Variants in GRAMD1B observed in about 807,000 individuals in gnomAD.
GRAMD1B encodes the protein GRAM domain containing 1B.
In GRAMD1B, 37 loss-of-function variants were observed where a neutral mutation model predicts 99.7. That is an observed-to-expected ratio of 0.37 (90% CI 0.29 to 0.49). The LOEUF (loss-of-function observed/expected upper bound fraction) is 0.49. GRAMD1B is among the 20% of genes least tolerant of loss of function. GRAMD1B has a pLI of 0.98. For missense variants in GRAMD1B, 888 were observed against 1,009.2 expected, an observed-to-expected ratio of 0.88 and a Z score of 1.63; for synonymous variants, 427 against 387.6, an observed-to-expected ratio of 1.10 and a Z score of -1.19.
intron 1 of GRAMD1B, among the ~76,000 whole-genome samples, chr11:123,457,117 A>AAAAGAAAGAAAGAAAGAAAGAAAGAACG (rs111505156): frequency 1.0e-5 from 1 of 99,436 alleles, no homozygotes; most frequent in Non-Finnish European, 2.2e-5. Context: ...TTCTGAGAAA[A>AAAAGAAAGAAAGAAAGAAAGAAAGAACG]AAAGAAAGAA....
In GRAMD1B at chr11:123,615,503, T is replaced by A. The variant is rs188022860; in HGVS notation, c.2318+668T>A. ...AGATGGACAGCATCCTGGCTAACAT[T>A]GTGAAACCCCGTCTCTACTAAAACT... On this transcript the variant is annotated intron_variant, in intron 17 of 19. Coordinates refer to ENST00000635736, the MANE Select transcript of GRAMD1B (RefSeq NM_001387025.1). Among the ~76,000 whole-genome samples the A allele has an allele frequency of 3.6e-4, 55 of 151,856 alleles. 4 individuals carry two copies. Among genetic ancestry groups the A allele is most frequent in the African/African-American group, 1.2e-3 (50 of 41,396 alleles).
In GRAMD1B at chr11:123,625,558, T is replaced by C. The variant is rs766154914; in HGVS notation, c.*2963T>C. 1.3e-5 allele frequency: 2 copies of C among 152,232 alleles called. No individual in the cohort carries two copies. Among genetic ancestry groups the C allele is most frequent in the Non-Finnish European group, 2.9e-5 (2 of 68,062 alleles). The allele number at this position is 152,232 out of a possible 1,614,324, so 9.4% of individuals were successfully genotyped here. The stretch of plus-strand genomic sequence containing the variant: ...ATCTCAGGCCAGCAAGATCAGCTGC[T>C]TGAAGCTCTGTGTAAGAGCACTGCA... On this transcript the variant is annotated 3_prime_UTR_variant, in exon 20 of 20. Transcript: ENST00000635736.
At chr11:123,601,128 T>C (rs1951902849) in intron 8 of GRAMD1B, among the ~76,000 whole-genome samples, 1 of 152,100 alleles carries the variant, frequency 6.6e-6, no homozygotes, top group South Asian at 2.1e-4. Context: ...CTGGCTACTA[T>C]GAAAGGCCCA....
chr11:123,527,911 G>A (rs1942960393), intron 2 of GRAMD1B, among the ~76,000 whole-genome samples: 1 of 152,160 alleles, frequency 6.6e-6, no homozygotes. Flanking sequence ...AATCTGCCTT[G>A]AGCATCTCTT....
In GRAMD1B at chr11:123,621,215, G is replaced by A. The variant is rs191135396; in HGVS notation, c.2545-1291G>A. 1.6e-3 allele frequency among the ~76,000 whole-genome samples: 250 copies of A among 152,226 alleles called. 3 individuals carry two copies. Among genetic ancestry groups the A allele is most frequent in the East Asian group, 1.5e-3 (8 of 5,184 alleles). ...GAGAGACCAGACTTTCCCTAAATCC[G>A]TAACCATTTACCCCAGAAATGTTGT... On this transcript the variant is annotated intron_variant, in intron 19 of 19. Transcript: ENST00000635736.
At position 123,537,718 on chromosome 11, in the gene GRAMD1B, G is replaced by A. The variant is rs11219189; in HGVS notation, c.453-39649G>A. 5.2e-3 allele frequency among the ~76,000 whole-genome samples: 798 copies of A among 152,308 alleles called. 9 individuals are homozygous for A. Among genetic ancestry groups the A allele is most frequent in the African/African-American group, 0.019 (773 of 41,566 alleles). On this transcript the variant is annotated intron_variant, in intron 2 of 19. Transcript: ENST00000635736. ...CATTTGTACCTTGTGGGGCCTATGAGTAATAGGAGCCAACCATTACCATTT... is the reference window on the plus strand; with the variant it reads ...CATTTGTACCTTGTGGGGCCTATGAATAATAGGAGCCAACCATTACCATTT...
intron 1 of GRAMD1B, among the ~76,000 whole-genome samples, chr11:123,418,764 T>C (rs73606001): frequency 0.027 from 4,148 of 152,302 alleles, 64 homozygotes; most frequent in Middle Eastern, 0.065. Flanking sequence ...TTCTAGAGAC[T>C]TCCAGGCTGG....
chr11:123,489,303 C>T (rs1235261505), intron 2 of GRAMD1B, among the ~76,000 whole-genome samples: 1 of 152,074 alleles, frequency 6.6e-6, no homozygotes, highest in Non-Finnish European at 1.5e-5. Context: ...TGGAGTGTGC[C>T]AGTGGATAGA....
At chr11:123,469,222 G>A (rs1432085183) in intron 1 of GRAMD1B, among the ~76,000 whole-genome samples, 2 of 152,136 alleles carry the variant, frequency 1.3e-5, no homozygotes, top group Non-Finnish European at 2.9e-5. Context: ...CAGATAAGGA[G>A]TTGGAACTTG....
At chr11:123,445,584 G>A (rs928839526) in intron 1 of GRAMD1B, among the ~76,000 whole-genome samples, 2 of 152,080 alleles carry the variant, frequency 1.3e-5, no homozygotes, top group African/African-American at 4.8e-5. Flanking sequence ...GGGAGGCCAA[G>A]GTGGGCAGGT....
At chr11:123,569,898 T>C (rs1947871289) in intron 2 of GRAMD1B, among the ~76,000 whole-genome samples, 1 of 152,230 alleles carries the variant, frequency 6.6e-6, no homozygotes, top group African/African-American at 2.4e-5. Context: ...CCAATGGTAA[T>C]TGTTAGGCTC....
At chr11:123,500,485 T>C (rs775248841) in intron 2 of GRAMD1B, among the ~76,000 whole-genome samples, 16 of 152,102 alleles carry the variant, frequency 1.1e-4, no homozygotes, top group Non-Finnish European at 1.5e-5. Context: ...CAATGGGAAA[T>C]TTGCTAAAAT....
chr11:123,462,890 T>TAAAAAAAAAAAA (rs55643501), intron 1 of GRAMD1B, among the ~76,000 whole-genome samples: 29 of 123,052 alleles, frequency 2.4e-4, no homozygotes, highest in East Asian at 1.7e-3. Context: ...AAAAAATAAA[T>TAAAAAAAAAAAA]TAAAAAAAAA....
At chr11:123,553,696 T>G (rs2135900864) in intron 2 of GRAMD1B, among the ~76,000 whole-genome samples, 1 of 152,308 alleles carries the variant, frequency 6.6e-6, no homozygotes, top group Middle Eastern at 3.4e-3. Flanking sequence ...TGAACCAGCC[T>G]CCGTGGATTA....
In GRAMD1B at chr11:123,606,670, T is replaced by G. The variant is rs1046775434; in HGVS notation, c.1385T>G (p.Leu462Arg). The change falls in exon 11 of 20, where the codon CTC becomes CGC. Residue 462 changes from leucine to arginine, a missense_variant. Coordinates refer to ENST00000635736, the MANE Select transcript of GRAMD1B (RefSeq NM_001387025.1). The part of the protein sequence containing the change: ...LEGDGSLEKE[L>R]AIDNIMGEKI... The stretch of plus-strand genomic sequence containing the variant: ...GGAGACGGGTCCCTGGAAAAGGAGC[T>G]CGCCATTGACAACATCATGGGGGAG... 7 of 1,613,388 alleles carry G rather than the reference T, an allele frequency of 4.3e-6. No individual in the cohort carries two copies. Among genetic ancestry groups the G allele is most frequent in the Non-Finnish European group, 5.9e-6 (7 of 1,179,728 alleles).
At chr11:123,506,009 G>A (rs1309215410) in intron 2 of GRAMD1B, among the ~76,000 whole-genome samples, 1 of 152,124 alleles carries the variant, frequency 6.6e-6, no homozygotes, top group Non-Finnish European at 1.5e-5. Flanking sequence ...TTTACAATCA[G>A]CACCCAGACT....
chr11:123,414,218 T>C (rs1948151623), intron 1 of GRAMD1B, among the ~76,000 whole-genome samples: 1 of 152,140 alleles, frequency 6.6e-6, no homozygotes, highest in African/African-American at 2.4e-5. Flanking sequence ...CTAATTTTTG[T>C]ATTTTTAGTA....
rs766462983 is a variant in GRAMD1B, at chr11:123,605,336, T to C, written c.1181T>C (p.Ile394Thr). 6.2e-7 allele frequency: 1 copy of C among 1,610,412 alleles called. No individual in the cohort carries two copies. The highest frequency in any genetic ancestry group is 1.1e-5 in the South Asian group (1 of 90,500). ...DFNTMGYCEE[I>T]PVEENEVNDS... ...TCTCCTCTCAGATACTGTGAAGAGATCCCTGTGGAAGAGAATGAAGTGAAT... is the reference window on the plus strand; with the variant it reads ...TCTCCTCTCAGATACTGTGAAGAGACCCCTGTGGAAGAGAATGAAGTGAAT... Residue 394 changes from isoleucine to threonine, a missense_variant, in exon 10 of 20, where the codon ATC (isoleucine) becomes ACC (threonine). Transcript: ENST00000635736.
Position 123,430,997 on chromosome 11 carries a change from G to A in GRAMD1B, c.205G>A (p.Ala69Thr), listed in dbSNP as rs1392447502. ...GLARDLPAVLAPGKEFLQLPS... is the reference protein window; with the variant it reads ...GLARDLPAVLTPGKEFLQLPS... ...GGCCCGGGACCTGCCCGCCGTCTTG[G>A]CCCCCGGCAAGGAGTTCCTGCAGCT... The change falls in exon 1 of 20, where the codon GCC (alanine) becomes ACC (threonine). Residue 69 changes from alanine (A) to threonine (T), a missense_variant. Coordinates refer to ENST00000635736, the MANE Select transcript of GRAMD1B (RefSeq NM_001387025.1). The A allele has an allele frequency of 2.8e-6, 2 of 702,906 alleles. No homozygotes were observed. The highest frequency in any genetic ancestry group is 5.2e-6 in the Non-Finnish European group (2 of 384,924). The allele number at this position is 702,906 out of a possible 1,614,324, so 43.5% of individuals were successfully genotyped here.
Sources: gnomAD v4.1 joint callset for allele counts (sites outside exome capture counted in the v4.1 genomes callset) on GRCh38, gnomAD v4.1.1 for gene constraint, MANE v1.5 for transcripts, NCBI Gene and HGNC (gene_info 2026-07-23, HGNC 2026-07-21) for gene names.